The following TRPA1 variants were observed in gnomAD, a reference collection of about 807,000 sequenced individuals.
The protein encoded by TRPA1 is ankyrin-like with transmembrane domains 1.
TRPA1 carries 129 observed loss-of-function variants against 131.3 expected under a neutral mutation model. The observed-to-expected ratio is 0.98, with a 90% CI of 0.85 to 1.14. The LOEUF is 1.14. TRPA1 is among the 50% of genes most tolerant of loss of function. TRPA1 has a pLI of 0.00. For synonymous variants in TRPA1, 441 were observed against 451.7 expected (o/e 0.98, Z 0.30); for missense variants, 1,304 against 1,354.2 (o/e 0.96, Z 0.58).
At chr8:72,029,848 T>C (rs572782736) in intron 24 of TRPA1, 53 bp downstream of exon 24, 51 of 1,553,492 alleles carry the variant, frequency 3.3e-5, no homozygotes, top group Non-Finnish European at 4.5e-5. Context: ...TTTAACTTAT[T>C]GTGGGTTTAC....
At chr8:72,062,146 G>A (rs897867630) in intron 6 of TRPA1, 2 of 250,812 alleles carry the variant, frequency 8.0e-6, no homozygotes, top group African/African-American at 4.4e-5. Flanking sequence ...TTTCCATATT[G>A]AAGGGACAAT....
upstream of TRPA1, among the ~76,000 whole-genome samples, chr8:72,079,986 A>C (rs1806258545): frequency 6.6e-6 from 1 of 151,964 alleles, no homozygotes; most frequent in African/African-American, 2.4e-5. Context: ...ATACAATTGA[A>C]TTTTCCAAGT....
chr8:72,052,163 T>C (rs1298825426), intron 14 of TRPA1, among the ~76,000 whole-genome samples: 1 of 152,222 alleles, frequency 6.6e-6, no homozygotes, highest in African/African-American at 2.4e-5. Context: ...GGCTCATGTC[T>C]GTAATGCCAA....
At chr8:72,038,214 T>C (rs372356709) in intron 19 of TRPA1, 142 bp from the exon 20 acceptor site, 4 of 552,046 alleles carry the variant, frequency 7.2e-6, no homozygotes, top group South Asian at 4.7e-5. Flanking sequence ...AAACAGAAAA[T>C]TTAACTGACA....
At chr8:72,033,503 G>C (rs13269244) in intron 23 of TRPA1, 141 bp downstream of exon 23, 21 of 806,780 alleles carry the variant, frequency 2.6e-5, no homozygotes, top group Admixed American at 1.0e-4. Context: ...CAGGCACCAA[G>C]TGAGTGTTGA....
At position 72,063,508 on chromosome 8, in the gene TRPA1, C is replaced by G; in HGVS notation, c.616G>C (p.Ala206Pro). The change falls in exon 5 of 27, where the codon GCA becomes CCA. Residue 206 changes from alanine (A) to proline (P), a missense_variant. Ala to Pro is a conservative substitution (Grantham distance 27). Coordinates refer to ENST00000262209, the MANE Select transcript of TRPA1 (RefSeq NM_007332.3). ...ATGCATTCTTTGGAACCTGAAAATG[C>G]AGCTTGGTGAATAGGGAAACATCCC... Reference protein sequence around the residue: ...KWGCFPIHQAAFSGSKECMEI... With the variant: ...KWGCFPIHQAPFSGSKECMEI... The G allele has an allele frequency of 6.2e-7, 1 of 1,613,834 alleles. No individual in the cohort carries two copies. The highest frequency in any genetic ancestry group is 8.5e-7 in the Non-Finnish European group (1 of 1,179,862).
intron 3 of TRPA1, among the ~76,000 whole-genome samples, chr8:72,066,524 A>C (rs563347388): frequency 1.3e-3 from 191 of 152,366 alleles, no homozygotes; most frequent in African/African-American, 3.9e-3. Flanking sequence ...AACAGAACGT[A>C]TCCCTTGTGA....
intron 17 of TRPA1, among the ~76,000 whole-genome samples, chr8:72,043,537 G>C (rs574612588): frequency 2.2e-4 from 33 of 151,588 alleles, no homozygotes; most frequent in Non-Finnish European, 2.7e-4. Context: ...CTTAGCCCTT[G>C]GGGAAGTTTT....
intron 1 of TRPA1, 50 bp downstream of exon 1, chr8:72,075,249 C>T: frequency 6.9e-7 from 1 of 1,451,866 alleles, no homozygotes; most frequent in Non-Finnish European, 9.7e-7. Context: ...CTCCAGCCGA[C>T]CCCCGCCCGC....
intron 14 of TRPA1, among the ~76,000 whole-genome samples, chr8:72,052,250 C>T (rs982711856): frequency 1.3e-5 from 2 of 152,064 alleles, no homozygotes; most frequent in South Asian, 2.1e-4. Context: ...GGTGAAACCA[C>T]GTCTCAATGA....
chr8:72,022,833 T>C lies in TRPA1; in HGVS notation c.*73A>G, dbSNP rs1811444253. 1 of 1,379,072 alleles carries C rather than the reference T, an allele frequency of 7.3e-7. No individual in the cohort carries two copies. The highest frequency in any genetic ancestry group is 1.2e-5 in the South Asian group (1 of 85,758). 85.4% of individuals were successfully genotyped at this position (1,379,072 alleles called of 1,614,324 possible). A position where few individuals can be genotyped will look rare whatever the true frequency, so the allele number is the denominator to read the frequency against. On this transcript the variant is annotated 3_prime_UTR_variant, in exon 27 of 27. Coordinates refer to ENST00000262209, the MANE Select transcript of TRPA1 (RefSeq NM_007332.3). ...ATGAATCATTCTGCTTCTTCCTCAC[T>C]CTTTTTAAATTGAAAGTTAGAACCA... is the stretch of plus-strand genomic sequence containing the variant.
At chr8:72,052,934 C>A in intron 13 of TRPA1, 169 bp from the exon 14 acceptor site, 1 of 596,522 alleles carries the variant, frequency 1.7e-6, no homozygotes. Context: ...ATAGTTCTAG[C>A]ATGGTGTGTG....
Position 72,050,829 on chromosome 8 carries a change from G to A in TRPA1, c.1854C>T (p.Gly618=), listed in dbSNP as rs1255337905. The A allele has an allele frequency of 1.2e-6, 2 of 1,611,702 alleles. No individual in the cohort carries two copies. The highest frequency in any genetic ancestry group is 4.5e-5 in the East Asian group (2 of 44,790). ...TCATTTCTGTAATTGGACATTTATTGCCTGGAGAATTATGACTGAAAATCT... is the reference window on the plus strand; with the variant it reads ...TCATTTCTGTAATTGGACATTTATTACCTGGAGAATTATGACTGAAAATCT... ...CLKIFSHNSP[G]NKCPITEMIE... Residue 618 remains glycine, a synonymous_variant, in exon 15 of 27, where the codon GGC becomes GGT. Transcript: ENST00000262209.
chr8:72,036,401 C>T lies in TRPA1; in HGVS notation c.2442G>A (p.Thr814=), dbSNP rs146434598. 596 of 1,614,006 alleles carry T rather than the reference C, an allele frequency of 3.7e-4. 2 individuals are homozygous for T. The East Asian group carries it at 5.3e-3, about 14-fold the overall frequency. The stretch of plus-strand genomic sequence containing the variant: ...ACAAGGGCAGCACAAAAATGATGCC[C>T]GTCGTGTAGATAATCCATTCAAGAA... ...SNVLEWIIYT[T]GIIFVLPLFV... Residue 814 remains threonine, a synonymous_variant, in exon 21 of 27, where the codon ACG becomes ACA. Transcript: ENST00000262209.
At chr8:72,066,632 C>T (rs372218903) in intron 3 of TRPA1, among the ~76,000 whole-genome samples, 5 of 152,112 alleles carry the variant, frequency 3.3e-5, no homozygotes, top group African/African-American at 7.2e-5. Context: ...AAATGATTGA[C>T]GGATTAAGGG....
In TRPA1 at chr8:72,027,679, C is replaced by T. The variant is rs1811655950; in HGVS notation, c.2938-1606G>A. 2.0e-5 allele frequency among the ~76,000 whole-genome samples: 3 copies of T among 152,122 alleles called. No individual in the cohort carries two copies. In the South Asian group the frequency reaches 6.2e-4, roughly 32 times the overall value. On this transcript the variant is annotated intron_variant, in intron 24 of 26. Transcript: ENST00000262209. ...TGATTCTATGAGAGAACTAAATGGC[C>T]CTGTCAGAAATGTGTGCTACTTGTC... is the stretch of plus-strand genomic sequence containing the variant.
chr8:72,080,056 A>T (rs918287679), upstream of TRPA1, among the ~76,000 whole-genome samples: 1 of 151,904 alleles, frequency 6.6e-6, no homozygotes, highest in Non-Finnish European at 1.5e-5. Flanking sequence ...TTTTTAAGAG[A>T]CTTTTTAGAA....
chr8:72,081,347 A>C, the TRPA1 span, among the ~76,000 whole-genome samples: 2 of 151,780 alleles, frequency 1.3e-5, no homozygotes, highest in African/African-American at 4.8e-5. Context: ...GTTTATGGTC[A>C]AAGAACATAC....
chr8:72,078,894 C>T (rs569962938), upstream of TRPA1, among the ~76,000 whole-genome samples: 1 of 151,952 alleles, frequency 6.6e-6, no homozygotes, highest in African/African-American at 2.4e-5. Context: ...GAGGATTCTA[C>T]TTACTCCATA....
Sources: allele counts gnomAD v4.1 joint callset (sites outside exome capture counted in the v4.1 genomes callset), GRCh38; gene constraint gnomAD v4.1.1; transcripts MANE v1.5; gene names NCBI Gene and HGNC (gene_info 2026-07-23, HGNC 2026-07-21).